GLRA3: variants seen among roughly 807,000 people sequenced by gnomAD.
GLRA3 encodes the protein glycine receptor alpha 3.
In GLRA3, 44 loss-of-function variants were observed where a neutral mutation model predicts 60.4. The observed-to-expected ratio is 0.73, with a 90% CI of 0.57 to 0.94. The LOEUF (loss-of-function observed/expected upper bound fraction) is 0.94. GLRA3 is among the 40% of genes least tolerant of loss of function. The pLI is 0.00. For synonymous variants in GLRA3, 223 were observed against 192.9 expected, an observed-to-expected ratio of 1.16 and a Z score of -1.29; for missense variants, 508 against 564.6, an observed-to-expected ratio of 0.90 and a Z score of 1.02.
chr4:174,810,888 G>C, intron 1 of GLRA3, among the ~76,000 whole-genome samples: 1 of 152,096 alleles, frequency 6.6e-6, no homozygotes. Context: ...AATAGCAGTT[G>C]ATTTCTTAAA....
chr4:174,668,826 T>A (rs1287426986), intron 7 of GLRA3, among the ~76,000 whole-genome samples: 5 of 152,140 alleles, frequency 3.3e-5, no homozygotes, highest in African/African-American at 1.2e-4. Context: ...TGCTTTTTAT[T>A]TGAGAAAAAA....
At chr4:174,789,704 C>T (rs1335659876) in intron 1 of GLRA3, among the ~76,000 whole-genome samples, 1 of 152,154 alleles carries the variant, frequency 6.6e-6, no homozygotes, top group African/African-American at 2.4e-5. Context: ...TCCTGTCCAG[C>T]TCTTCACTTA....
chr4:174,676,572 T>C (rs1465742494), intron 7 of GLRA3, among the ~76,000 whole-genome samples: 1 of 152,126 alleles, frequency 6.6e-6, no homozygotes, highest in Non-Finnish European at 1.5e-5. Flanking sequence ...TGTGTTTCCA[T>C]AAAATATGTG....
At chr4:174,723,658 C>T (rs1294861416) in intron 4 of GLRA3, among the ~76,000 whole-genome samples, 2 of 151,860 alleles carry the variant, frequency 1.3e-5, no homozygotes, top group African/African-American at 2.4e-5. Flanking sequence ...TGAAACAGTA[C>T]TTCAAAATAT....
intron 1 of GLRA3, among the ~76,000 whole-genome samples, chr4:174,796,010 T>C (rs1274306014): frequency 1.3e-5 from 2 of 152,214 alleles, no homozygotes; most frequent in Non-Finnish European, 2.9e-5. Context: ...TGCTATGGTC[T>C]CAATGTCATA....
At chr4:174,676,448 T>C (rs1734119733) in intron 7 of GLRA3, among the ~76,000 whole-genome samples, 2 of 152,164 alleles carry the variant, frequency 1.3e-5, no homozygotes, top group South Asian at 2.1e-4. Flanking sequence ...TATCAATGCA[T>C]ATGGCTATCA....
At chr4:174,677,865 T>A (rs1427956699) in intron 6 of GLRA3, among the ~76,000 whole-genome samples, 2 of 152,188 alleles carry the variant, frequency 1.3e-5, no homozygotes, top group Non-Finnish European at 2.9e-5. Flanking sequence ...ATCCAAAGAT[T>A]TATTATTTCA....
Position 174,642,131 on chromosome 4 carries a change from CA to C in GLRA3, c.*1654del. On this transcript the variant is annotated 3_prime_UTR_variant, in exon 10 of 10. Transcript: ENST00000274093. ...GGAGGGGAACTTGGTCTTTTACTAG[CA>C]AAAACTGCTTAACATTTACTATTTT... The C allele has an allele frequency of 1.1e-6, 1 of 886,506 alleles. No homozygotes were observed. Among genetic ancestry groups the C allele is most frequent in the Non-Finnish European group, 1.4e-6 (1 of 739,902 alleles). The allele number at this position is 886,506 out of a possible 1,614,324, so 54.9% of individuals were successfully genotyped here.
intron 3 of GLRA3, among the ~76,000 whole-genome samples, chr4:174,744,980 C>A (rs1298788430): frequency 6.6e-6 from 1 of 152,118 alleles, no homozygotes; most frequent in Non-Finnish European, 1.5e-5. Flanking sequence ...AACACAAATT[C>A]TGTAACTGAA....
intron 7 of GLRA3, among the ~76,000 whole-genome samples, chr4:174,660,099 G>A (rs1303186560): frequency 6.6e-6 from 1 of 151,036 alleles, no homozygotes; most frequent in Non-Finnish European, 1.5e-5. Context: ...CAAACTATTT[G>A]AGTGTAATTT....
At chr4:174,699,287 C>T (rs1735204175) in intron 5 of GLRA3, among the ~76,000 whole-genome samples, 2 of 152,184 alleles carry the variant, frequency 1.3e-5, no homozygotes, top group Non-Finnish European at 2.9e-5. Context: ...CAAGCATGAG[C>T]CACCATGTCT....
In GLRA3 at chr4:174,682,828, C is replaced by T. The variant is rs368953565; in HGVS notation, c.686G>A (p.Arg229Gln). The change falls in exon 6 of 10, where the codon CGA (arginine) becomes CAA (glutamine). Residue 229 changes from arginine (R) to glutamine (Q), a missense_variant. Arg to Gln is a conservative substitution (Grantham distance 43). This residue lies in a region of GLRA3 where 329 missense variants were observed against 349.3 expected (regional missense o/e 0.94). Transcript: ENST00000274093. ...TGTATTGTAATGTTTAGTGCAGTATCGTAAATCTTTTTCTTCTTTCAACAG... is the reference window on the plus strand; with the variant it reads ...TGTATTGTAATGTTTAGTGCAGTATTGTAAATCTTTTTCTTCTTTCAACAG... ...QFLLKEEKDL[R>Q]YCTKHYNTGK... 2.1e-4 allele frequency: 336 copies of T among 1,612,872 alleles called. 4 individuals carry two copies. Among genetic ancestry groups the T allele is most frequent in the South Asian group, 2.0e-3 (179 of 91,054 alleles).
chr4:174,659,548 TA>T (rs1733354496), intron 7 of GLRA3, among the ~76,000 whole-genome samples: 2 of 152,248 alleles, frequency 1.3e-5, no homozygotes, highest in South Asian at 2.1e-4. Flanking sequence ...TCAATTTTTT[TA>T]AAAAAATTAA....
At chr4:174,828,490 A>T (rs1317015348) in intron 1 of GLRA3, among the ~76,000 whole-genome samples, 4 of 151,878 alleles carry the variant, frequency 2.6e-5, no homozygotes, top group South Asian at 2.1e-4. Flanking sequence ...TTTTAAAATA[A>T]TTTTTTTTTC....
Position 174,715,587 on chromosome 4 carries a change from T to C in GLRA3, c.492-17A>G, listed in dbSNP as rs1361141209. ...AATGTTAATCTGAAAGTCAAAGTAATTATTTTTAAAGGAAATTTATGACAT... is the reference window on the plus strand; with the variant it reads ...AATGTTAATCTGAAAGTCAAAGTAACTATTTTTAAAGGAAATTTATGACAT... On this transcript the variant is annotated splice_polypyrimidine_tract_variant and intron_variant, in intron 4 of 9. Transcript: ENST00000274093. The C allele has an allele frequency of 4.1e-6, 5 of 1,226,484 alleles. 1 individual carries two copies. In the South Asian group the frequency reaches 5.2e-5, roughly 13 times the overall value. The allele number at this position is 1,226,484 out of a possible 1,614,324, so 76.0% of individuals were successfully genotyped here.
At chr4:174,679,342 G>A (rs6811894) in intron 6 of GLRA3, among the ~76,000 whole-genome samples, 64,119 of 151,564 alleles carry the variant, frequency 0.42, 14,100 homozygotes, top group Middle Eastern at 0.53. Context: ...ACAAAACAAA[G>A]CAAAATAAGA....
chr4:174,811,528 T>C (rs991338102), intron 1 of GLRA3, among the ~76,000 whole-genome samples: 1 of 152,154 alleles, frequency 6.6e-6, no homozygotes, highest in African/African-American at 2.4e-5. Context: ...CCAGAAATGA[T>C]CCCTCCTCCA....
chr4:174,662,213 A>G (rs1465614438), intron 7 of GLRA3, among the ~76,000 whole-genome samples: 1 of 152,186 alleles, frequency 6.6e-6, no homozygotes, highest in African/African-American at 2.4e-5. Flanking sequence ...TTCATACTTT[A>G]TATAGCCAAT....
intron 9 of GLRA3, among the ~76,000 whole-genome samples, chr4:174,648,316 T>C (rs1732905060): frequency 6.6e-6 from 1 of 151,946 alleles, no homozygotes; most frequent in Non-Finnish European, 1.5e-5. Flanking sequence ...CAAAAAAAAT[T>C]AGCCAGGCGT....
Sources: gnomAD v4.1 joint callset for allele counts (sites outside exome capture counted in the v4.1 genomes callset) on GRCh38, gnomAD v4.1.1 for gene constraint, gnomAD v4.1.1 regional missense constraint, MANE v1.5 for transcripts, NCBI Gene and HGNC (gene_info 2026-07-23, HGNC 2026-07-21) for gene names.